The following KCNQ5 variants were observed in gnomAD, a reference collection of about 807,000 sequenced individuals.
KCNQ5 encodes potassium voltage-gated channel subfamily Q member 5, also known as potassium voltage-gated channel subfamily KQT member 5.
KCNQ5 carries 30 observed loss-of-function variants against 98.2 expected under a neutral mutation model. That is an observed-to-expected ratio of 0.31 (90% CI 0.23 to 0.41). The LOEUF (loss-of-function observed/expected upper bound fraction) is 0.41, where lower values mean the gene tolerates loss of function less well. Ranked by LOEUF, KCNQ5 falls within the 10% of genes least tolerant of loss-of-function variation. KCNQ5 has a pLI of 1.00. For missense variants in KCNQ5, 835 were observed against 1,182.5 expected (o/e 0.71, Z 4.31); for synonymous variants, 458 against 449.4 (o/e 1.02, Z -0.24).
chr6:72,944,483 A>G lies in KCNQ5; in HGVS notation c.399-59425A>G, dbSNP rs111728290. Among the ~76,000 whole-genome samples the G allele has an allele frequency of 3.5e-3, 526 of 152,340 alleles. 2 individuals carry two copies. The highest frequency in any genetic ancestry group is 5.6e-3 in the Non-Finnish European group (384 of 68,030). ...ACCTATTCTAAGGCATTCAGCAGAG[A>G]ACAAGACAAAGGCCTGTCTCTCACA... On this transcript the variant is annotated intron_variant, in intron 1 of 13. Transcript: ENST00000370398.
intron 1 of KCNQ5, among the ~76,000 whole-genome samples, chr6:72,644,657 T>C (rs2154472148): frequency 6.6e-6 from 1 of 152,232 alleles, no homozygotes; most frequent in South Asian, 2.1e-4. Flanking sequence ...TAGATGAAAG[T>C]TATCTTTAGC....
intron 8 of KCNQ5, among the ~76,000 whole-genome samples, chr6:73,124,224 G>T (rs1775858066): frequency 6.6e-6 from 1 of 152,176 alleles, no homozygotes; most frequent in South Asian, 2.1e-4. Context: ...TTTGGCTAAT[G>T]AAAAGTCTAT....
chr6:72,957,170 C>CTTTTT (rs11374806), intron 1 of KCNQ5, among the ~76,000 whole-genome samples: 2 of 125,350 alleles, frequency 1.6e-5, no homozygotes, highest in Non-Finnish European at 1.6e-5. Context: ...ATGTAGGAAG[C>CTTTTT]TTTTTTTTTT....
chr6:72,932,127 T>A (rs1452245068), intron 1 of KCNQ5, among the ~76,000 whole-genome samples: 2 of 152,184 alleles, frequency 1.3e-5, no homozygotes, highest in African/African-American at 4.8e-5. Context: ...CCAATTAGCA[T>A]CTACTCTTCT....
rs1765562345 is a variant in KCNQ5 at position 73,190,704 on chromosome 6, G to T, written c.1709G>T (p.Arg570Leu). 6.5e-7 allele frequency: 1 copy of T among 1,536,588 alleles called. No individual in the cohort carries two copies. Among genetic ancestry groups the T allele is most frequent in the South Asian group, 1.3e-5 (1 of 75,920 alleles). ...TGTAGAATTAAAAGCCTTCAAACAC[G>T]GTAAGCAATGGAAATGTCATTCCTT... ...MLCRIKSLQT[R>L]VDQILGKGQI... is the part of the protein sequence containing the mutation. The change falls in exon 12 of 14, where the codon CGT (arginine) becomes CTT (leucine). Residue 570 changes from arginine to leucine, a missense_variant and splice_region_variant. Arg to Leu is a moderately radical substitution (Grantham distance 102). Around this residue, in one of 10 missense-constraint regions of KCNQ5, gnomAD observed 416 missense variants for 446.9 expected, o/e 0.93. Transcript: ENST00000370398.
At chr6:73,163,512 C>T (rs1056296591) in intron 10 of KCNQ5, among the ~76,000 whole-genome samples, 2 of 152,146 alleles carry the variant, frequency 1.3e-5, no homozygotes, top group East Asian at 1.9e-4. Flanking sequence ...TTTGGGAGGT[C>T]GAGGCCGGTG....
chr6:73,036,289 G>A (rs535574802), intron 2 of KCNQ5, among the ~76,000 whole-genome samples: 29 of 150,930 alleles, frequency 1.9e-4, no homozygotes, highest in African/African-American at 7.1e-4. Context: ...GGGAGGCTGA[G>A]GCAGGCGAAT....
chr6:73,142,618 T>C (rs377710313), intron 10 of KCNQ5, among the ~76,000 whole-genome samples: 7 of 152,006 alleles, frequency 4.6e-5, no homozygotes, highest in African/African-American at 1.4e-4. Flanking sequence ...CAGCAACAAG[T>C]TAAATAAAAT....
chr6:73,187,791 A>G (rs1161712621), intron 11 of KCNQ5, among the ~76,000 whole-genome samples: 2 of 152,252 alleles, frequency 1.3e-5, no homozygotes, highest in African/African-American at 4.8e-5. Flanking sequence ...TGCATAAACT[A>G]TGACTGCGTG....
intron 2 of KCNQ5, among the ~76,000 whole-genome samples, chr6:73,014,932 G>A (rs1383901103): frequency 6.6e-6 from 1 of 152,040 alleles, no homozygotes; most frequent in African/African-American, 2.4e-5. Flanking sequence ...TCAGCCACAA[G>A]CACATTTACT....
At chr6:73,104,408 G>A (rs891354796) in intron 5 of KCNQ5, among the ~76,000 whole-genome samples, 1 of 152,098 alleles carries the variant, frequency 6.6e-6, no homozygotes. Context: ...TGAAAGACCT[G>A]TACACAGTAG....
chr6:73,156,198 C>A (rs1016075200), intron 10 of KCNQ5, among the ~76,000 whole-genome samples: 8 of 152,162 alleles, frequency 5.3e-5, no homozygotes, highest in African/African-American at 1.4e-4. Context: ...AAAGAAGGAA[C>A]CCTTGGAAAG....
intron 5 of KCNQ5, among the ~76,000 whole-genome samples, chr6:73,101,516 C>G (rs916910800): frequency 1.3e-5 from 2 of 152,066 alleles, no homozygotes; most frequent in African/African-American, 4.8e-5. Flanking sequence ...CTAGAGTCCC[C>G]ATAAAAAAAC....
At chr6:72,658,477 C>A (rs755008763) in intron 1 of KCNQ5, among the ~76,000 whole-genome samples, 9 of 147,230 alleles carry the variant, frequency 6.1e-5, no homozygotes, top group Non-Finnish European at 1.3e-4. Flanking sequence ...GATGGGGTTT[C>A]ATCATGTTGG....
Position 72,622,659 on chromosome 6 carries a change from C to A in KCNQ5, c.398+72C>A. 6.4e-7 allele frequency: 1 copy of A among 1,552,980 alleles called. No homozygotes were observed. Among genetic ancestry groups the A allele is most frequent in the Non-Finnish European group, 8.7e-7 (1 of 1,143,914 alleles). ...CCCTGGCCCCCTGGGGCGTGCTCCG[C>A]GCTCGCGCCCTTGGGCCCCCGCGCG... On this transcript the variant is annotated intron_variant, in intron 1 of 13. Coordinates refer to ENST00000370398, the MANE Select transcript of KCNQ5 (RefSeq NM_019842.4). This position sits in a 1 kb window ranked among gnomAD's most constrained non-coding sequence, Gnocchi z 6.0.
chr6:72,750,718 A>C, intron 1 of KCNQ5, among the ~76,000 whole-genome samples: 1 of 152,052 alleles, frequency 6.6e-6, no homozygotes, highest in Non-Finnish European at 1.5e-5. Context: ...TGAATAATTA[A>C]ATAGATATAT....
chr6:73,003,174 T>C (rs17745021), intron 1 of KCNQ5, among the ~76,000 whole-genome samples: 13,481 of 152,130 alleles, frequency 0.089, 730 homozygotes, highest in Middle Eastern at 0.18. Context: ...ATCCTAGAAG[T>C]TACACATTTG....
chr6:73,133,222 A>C (rs1235027569), intron 9 of KCNQ5, among the ~76,000 whole-genome samples, 199 bp from the exon 10 acceptor site: 1 of 152,194 alleles, frequency 6.6e-6, no homozygotes, highest in South Asian at 2.1e-4. Flanking sequence ...CTGTAGAATG[A>C]GATTGATCTC....
At chr6:73,076,172 CA>C (rs1157396693) in intron 3 of KCNQ5, among the ~76,000 whole-genome samples, 3 of 152,138 alleles carry the variant, frequency 2.0e-5, no homozygotes, top group Non-Finnish European at 4.4e-5. Flanking sequence ...CTTCTCAGTC[CA>C]CACCAGGAGA....
Sources: gnomAD v4.1 joint callset for allele counts (sites outside exome capture counted in the v4.1 genomes callset) on GRCh38, gnomAD v4.1.1 for gene constraint, gnomAD v4.1.1 regional missense constraint, Gnocchi (gnomAD v3.1) non-coding constraint, MANE v1.5 for transcripts, NCBI Gene and HGNC (gene_info 2026-07-23, HGNC 2026-07-21) for gene names.